Variants in TRPC4 observed in about 807,000 individuals in gnomAD.
TRPC4 encodes the protein transient receptor potential cation channel subfamily C member 4.
A neutral mutation model predicts 99.4 loss-of-function variants in TRPC4; 49 were observed. The ratio of observed to expected loss-of-function variants is 0.49; its 90% CI spans 0.39 to 0.63. TRPC4 has a LOEUF of 0.63. TRPC4 is among the 20% of genes least tolerant of loss of function. The pLI is 0.00. For missense variants in TRPC4, 898 were observed against 1,152.9 expected, an observed-to-expected ratio of 0.78 and a Z score of 3.20; for synonymous variants, 454 against 425.9, an observed-to-expected ratio of 1.07 and a Z score of -0.81.
chr13:37,698,937 C>T (rs1199132708), intron 3 of TRPC4, among the ~76,000 whole-genome samples: 1 of 152,140 alleles, frequency 6.6e-6, no homozygotes, highest in Non-Finnish European at 1.5e-5. Context: ...TTACCCTATG[C>T]ACCACCATAT....
intron 1 of TRPC4, among the ~76,000 whole-genome samples, chr13:37,838,037 T>A (rs1958616025): frequency 1.3e-5 from 2 of 152,166 alleles, no homozygotes; most frequent in East Asian, 3.9e-4. Flanking sequence ...AGACGTGACT[T>A]GTTCCTCCTT....
At chr13:37,661,289 T>C (rs899598145) in intron 6 of TRPC4, among the ~76,000 whole-genome samples, 24 of 152,232 alleles carry the variant, frequency 1.6e-4, no homozygotes, top group African/African-American at 5.3e-4. Context: ...TTGATTTATG[T>C]TATAATTAGT....
At chr13:37,843,995 A>G (rs1958813199) in intron 1 of TRPC4, among the ~76,000 whole-genome samples, 1 of 152,210 alleles carries the variant, frequency 6.6e-6, no homozygotes, top group Admixed American at 6.5e-5. Context: ...TTTTTCCTGA[A>G]CCCACAGTTT....
chr13:37,639,323 T>G, intron 8 of TRPC4, 24 bp from the exon 9 acceptor site: 1 of 1,612,008 alleles, frequency 6.2e-7, no homozygotes, highest in East Asian at 2.2e-5. Flanking sequence ...GGACATTCCT[T>G]TCTGGTTATA....
At chr13:37,746,517 A>C in intron 2 of TRPC4, 62 bp from the exon 3 acceptor site, 1 of 1,515,384 alleles carries the variant, frequency 6.6e-7, no homozygotes. Flanking sequence ...TGTGAATTTC[A>C]TACACCATGC....
chr13:37,810,500 C>T (rs927133838), intron 1 of TRPC4, among the ~76,000 whole-genome samples: 17 of 151,938 alleles, frequency 1.1e-4, no homozygotes, highest in African/African-American at 3.9e-4. Flanking sequence ...ATTAGACACC[C>T]ATCGTTCAAA....
At chr13:37,742,404 G>A (rs933674731) in intron 3 of TRPC4, among the ~76,000 whole-genome samples, 2 of 152,240 alleles carry the variant, frequency 1.3e-5, no homozygotes, top group East Asian at 3.9e-4. Flanking sequence ...CTTCATTCAG[G>A]TGCATTCATT....
chr13:37,792,650 A>T (rs1352816155), intron 1 of TRPC4, among the ~76,000 whole-genome samples: 1 of 152,018 alleles, frequency 6.6e-6, no homozygotes, highest in African/African-American at 2.4e-5. Flanking sequence ...GACTTATTTA[A>T]CAGCAAAATA....
intron 5 of TRPC4, among the ~76,000 whole-genome samples, chr13:37,671,230 TTAAAA>T (rs1469495259): frequency 1.3e-5 from 2 of 152,288 alleles, no homozygotes; most frequent in East Asian, 3.9e-4. Context: ...CTACCTGCTC[TTAAAA>T]TAATAATTTA....
intron 8 of TRPC4, among the ~76,000 whole-genome samples, chr13:37,648,688 A>C (rs1951923810): frequency 6.6e-6 from 1 of 152,234 alleles, no homozygotes; most frequent in Non-Finnish European, 1.5e-5. Flanking sequence ...TATAGCAAAT[A>C]AAACTGTTTA....
intron 8 of TRPC4, among the ~76,000 whole-genome samples, chr13:37,646,527 G>A (rs556925613): frequency 1.3e-5 from 2 of 152,258 alleles, no homozygotes; most frequent in African/African-American, 4.8e-5. Flanking sequence ...TTGAGCAACA[G>A]CATGAAGCCT....
At chr13:37,688,736 T>C (rs901906610) in intron 4 of TRPC4, among the ~76,000 whole-genome samples, 1 of 152,184 alleles carries the variant, frequency 6.6e-6, no homozygotes, top group Admixed American at 6.5e-5. Context: ...ACAGAGGTGA[T>C]CTGGTTTGAA....
intron 1 of TRPC4, among the ~76,000 whole-genome samples, chr13:37,785,305 C>T (rs1222846093): frequency 7.2e-5 from 11 of 151,926 alleles, no homozygotes; most frequent in Admixed American, 7.2e-4. Flanking sequence ...TTTCTCATTC[C>T]CAGGTCAGAG....
intron 1 of TRPC4, among the ~76,000 whole-genome samples, chr13:37,815,613 A>G (rs2139501385): frequency 6.6e-6 from 1 of 152,150 alleles, no homozygotes; most frequent in Non-Finnish European, 1.5e-5. Context: ...TCAGATTCAT[A>G]AAACGAGTTC....
At chr13:37,797,991 T>A (rs1034781371) in intron 1 of TRPC4, among the ~76,000 whole-genome samples, 1 of 152,194 alleles carries the variant, frequency 6.6e-6, no homozygotes, top group African/African-American at 2.4e-5. Context: ...GGCACTTAGA[T>A]AGTGAAGACT....
At chr13:37,656,476 T>C (rs902205539) in intron 6 of TRPC4, among the ~76,000 whole-genome samples, 3 of 152,120 alleles carry the variant, frequency 2.0e-5, no homozygotes, top group Admixed American at 6.6e-5. Context: ...TGCCCTTTTA[T>C]GGAAAGGTAG....
At chr13:37,821,843 C>G (rs1958020953) in intron 1 of TRPC4, among the ~76,000 whole-genome samples, 1 of 151,948 alleles carries the variant, frequency 6.6e-6, no homozygotes, top group African/African-American at 2.4e-5. Flanking sequence ...ATGTAAAACC[C>G]AAAACTGTAA....
At position 37,749,292 on chromosome 13, in the gene TRPC4, G is replaced by A. The variant is rs142760912; in HGVS notation, c.379-2837C>T. Among the ~76,000 whole-genome samples the A allele has an allele frequency of 1.5e-4, 23 of 151,942 alleles. No individual in the cohort carries two copies. The East Asian group carries it at 2.5e-3, about 17-fold the overall frequency. ...AGTGTCTTTATAGAACAGTGAAAAC[G>A]GACTAATACAGTAAATAACTATTTT... On this transcript the variant is annotated intron_variant, in intron 2 of 10. Transcript: ENST00000379705.
chr13:37,725,704 A>G (rs1052246941), intron 3 of TRPC4, among the ~76,000 whole-genome samples: 3 of 152,186 alleles, frequency 2.0e-5, no homozygotes, highest in Non-Finnish European at 4.4e-5. Context: ...GTCCATGTCA[A>G]TCATACCTCA....
Sources: gnomAD v4.1 joint callset for allele counts (sites outside exome capture counted in the v4.1 genomes callset) on GRCh38, gnomAD v4.1.1 for gene constraint, MANE v1.5 for transcripts, NCBI Gene and HGNC (gene_info 2026-07-23, HGNC 2026-07-21) for gene names.